USP34: variants seen among roughly 807,000 people sequenced by gnomAD.
USP34 encodes the protein ubiquitin carboxyl-terminal hydrolase 34.
A neutral mutation model predicts 460.3 loss-of-function variants in USP34; 70 were observed. The observed-to-expected ratio is 0.15, with a 90% CI of 0.13 to 0.19. The LOEUF (loss-of-function observed/expected upper bound fraction) is 0.19, where lower values mean the gene tolerates loss of function less well. Ranked by LOEUF, USP34 falls within the 10% of genes least tolerant of loss-of-function variation. The pLI is 1.00. For synonymous variants in USP34, 1,647 were observed against 1,405.3 expected (o/e 1.17, Z -3.85); for missense variants, 3,985 against 4,236.2 (o/e 0.94, Z 1.65).
At chr2:61,365,256 T>TACACACAC (rs34689463) in intron 10 of USP34, among the ~76,000 whole-genome samples, 14,922 of 142,266 alleles carry the variant, frequency 0.1, 810 homozygotes, top group Middle Eastern at 0.14. Context: ...CATTTCAAAA[T>TACACACAC]ACACACACAC....
In USP34 at chr2:61,278,548, C is replaced by T; in HGVS notation, c.5257-105G>A. The T allele has an allele frequency of 4.6e-6, 4 of 868,570 alleles. No homozygotes were observed. The South Asian group carries it at 8.5e-5, about 18-fold the overall frequency. The allele number at this position is 868,570 out of a possible 1,614,324, so 53.8% of individuals were successfully genotyped here. ...TTATAGGTAACAATAATTTAGTTCT[C>T]CCAAATTCAATAAGTTATAAACGTA... On this transcript the variant is annotated intron_variant, in intron 39 of 79. Transcript: ENST00000398571.
intron 10 of USP34, among the ~76,000 whole-genome samples, chr2:61,362,608 T>G (rs989784265): frequency 7.2e-5 from 11 of 152,134 alleles, no homozygotes; most frequent in African/African-American, 2.7e-4. Flanking sequence ...GAATTTAAAG[T>G]AGTCAAAGAA....
intron 1 of USP34, among the ~76,000 whole-genome samples, chr2:61,458,789 G>A (rs540123828): frequency 3.6e-4 from 55 of 151,782 alleles, no homozygotes; most frequent in African/African-American, 9.2e-4. Context: ...AAATCTTGGC[G>A]GGGCACAGTG....
Position 61,470,699 on chromosome 2 carries a change from G to A in USP34, c.-7C>T. 1 of 1,589,778 alleles carries A rather than the reference G, an allele frequency of 6.3e-7. No individual in the cohort carries two copies. Among genetic ancestry groups the A allele is most frequent in the Non-Finnish European group, 8.6e-7 (1 of 1,168,186 alleles). On this transcript the variant is annotated 5_prime_UTR_variant, in exon 1 of 80. Transcript: ENST00000398571. ...CTGCGCAGTTCTCGCACATCGTTCG[G>A]CCGCCGCCCCCCCCCTCCCCCGCTT...
chr2:61,370,549 A>T lies in USP34; in HGVS notation c.1107T>A (p.Leu369=). ...TSIAKELADW[L]ISNNVVEHIF... is the part of the protein sequence containing the mutation. ...TATGCTCCACCACATTGTTGCTAAT[A>T]AGCCAGTCTGCAAGTTCTTTTGCAA... Residue 369 remains leucine, a synonymous_variant, in exon 9 of 80, where the codon CTT becomes CTA. Transcript: ENST00000398571. The T allele has an allele frequency of 6.2e-7, 1 of 1,613,912 alleles. No individual in the cohort carries two copies. The highest frequency in any genetic ancestry group is 1.1e-5 in the South Asian group (1 of 91,020).
chr2:61,270,344 G>A (rs556500231), intron 41 of USP34, among the ~76,000 whole-genome samples: 3 of 152,192 alleles, frequency 2.0e-5, no homozygotes, highest in South Asian at 4.1e-4. Context: ...ACAAGACACT[G>A]TGAATCTGCC....
In USP34 at chr2:61,249,422, C is replaced by T. The variant is rs530813644; in HGVS notation, c.6222-739G>A. On this transcript the variant is annotated intron_variant, in intron 48 of 79. Transcript: ENST00000398571. ...GGGGACTGTGCCAGATTTTATCATG[C>T]TACTCAGTCCAGTGGGCAATTTAAA... Among the ~76,000 whole-genome samples, 60 of 152,356 alleles carry T rather than the reference C, an allele frequency of 3.9e-4. No homozygotes were observed. In the Middle Eastern group the frequency reaches 0.01, roughly 26 times the overall value.
chr2:61,193,363 GGT>G (rs1686695391), intron 75 of USP34: 1 of 33,994 alleles, frequency 2.9e-5, no homozygotes, highest in Non-Finnish European at 5.7e-5. Flanking sequence ...GGAGGGGAAA[GGT>G]AAAAAAAAAA....
chr2:61,251,192 T>C (rs1201983060), intron 48 of USP34, among the ~76,000 whole-genome samples: 3 of 152,112 alleles, frequency 2.0e-5, no homozygotes, highest in Admixed American at 2.0e-4. Context: ...CTGTAAAAAC[T>C]TGGTAGTAAA....
rs976399661 is a variant in USP34, at chr2:61,288,715, C to G, written c.4711G>C (p.Asp1571His). 4 of 1,613,904 alleles carry G rather than the reference C, an allele frequency of 2.5e-6. No individual in the cohort carries two copies. The East Asian group carries it at 8.9e-5, about 36-fold the overall frequency. ...GGTATATGAAGACCCTTAGCATGAT[C>G]ACCAGCAGCCTTCCTTGATTTGCCA... ...WPGKSRKAAGDHAKGLHIPRL... is the reference protein window; with the variant it reads ...WPGKSRKAAGHHAKGLHIPRL... Residue 1571 changes from aspartate (D) to histidine (H), a missense_variant, in exon 34 of 80, where the codon GAT becomes CAT. Asp to His is a moderately conservative substitution (Grantham distance 81). Coordinates refer to ENST00000398571, the MANE Select transcript of USP34 (RefSeq NM_014709.4).
intron 76 of USP34, among the ~76,000 whole-genome samples, chr2:61,192,143 C>A (rs1414751394): frequency 6.6e-6 from 1 of 152,176 alleles, no homozygotes; most frequent in Non-Finnish European, 1.5e-5. Flanking sequence ...TTCAGGAAAG[C>A]ATGATGTGGG....
intron 75 of USP34, chr2:61,194,004 A>G (rs931299279): frequency 3.9e-6 from 2 of 518,882 alleles, no homozygotes; most frequent in Non-Finnish European, 4.9e-6. Context: ...ATTCTATATT[A>G]AAAAAAAATT....
chr2:61,453,580 C>T (rs1177553432), intron 1 of USP34, among the ~76,000 whole-genome samples: 4 of 149,888 alleles, frequency 2.7e-5, no homozygotes, highest in Non-Finnish European at 5.9e-5. Context: ...CATGGTGGTG[C>T]GTGCCTGTAA....
intron 75 of USP34, chr2:61,200,715 T>G (rs1157690652): frequency 2.0e-5 from 3 of 152,324 alleles, no homozygotes; most frequent in Admixed American, 6.5e-5. Context: ...TTTCATTTCT[T>G]GTTGCCAAAT....
At chr2:61,243,238 C>T (rs1688322877) in intron 51 of USP34, among the ~76,000 whole-genome samples, 1 of 151,922 alleles carries the variant, frequency 6.6e-6, no homozygotes, top group African/African-American at 2.4e-5. Flanking sequence ...CCTCCACCTC[C>T]CGGGTTCAAG....
intron 78 of USP34, 189 bp from the exon 79 acceptor site, chr2:61,189,258 TG>T (rs1443594516): frequency 1.3e-5 from 7 of 524,600 alleles, no homozygotes; most frequent in Non-Finnish European, 1.8e-5. Flanking sequence ...TTTCATTAGT[TG>T]TTTTTTTTTT....
intron 68 of USP34, 52 bp downstream of exon 68, chr2:61,214,008 G>T: frequency 6.2e-7 from 1 of 1,600,710 alleles, no homozygotes; most frequent in Non-Finnish European, 8.5e-7. Flanking sequence ...GGAAAAACAG[G>T]TATTTCCAAT....
At chr2:61,358,573 T>C (rs981812609) in intron 10 of USP34, among the ~76,000 whole-genome samples, 1 of 152,236 alleles carries the variant, frequency 6.6e-6, no homozygotes, top group South Asian at 2.1e-4. Flanking sequence ...AAGACAAGGA[T>C]GCCCATATTT....
intron 1 of USP34, among the ~76,000 whole-genome samples, chr2:61,428,523 T>C (rs1294758387): frequency 1.3e-5 from 2 of 152,084 alleles, no homozygotes; most frequent in Non-Finnish European, 2.9e-5. Context: ...ACCAACCCCA[T>C]GGAAGAACAC....
Sources: allele counts gnomAD v4.1 joint callset (sites outside exome capture counted in the v4.1 genomes callset), GRCh38; gene constraint gnomAD v4.1.1; transcripts MANE v1.5; gene names NCBI Gene and HGNC (gene_info 2026-07-23, HGNC 2026-07-21).